Variants in NRG3 observed in about 807,000 individuals in gnomAD.
NRG3 encodes neuregulin 3.
Under a neutral mutation model 66.9 loss-of-function variants are expected in NRG3, and 31 were observed. That is an observed-to-expected ratio of 0.46 (90% confidence interval 0.35 to 0.63). The LOEUF (loss-of-function observed/expected upper bound fraction) is 0.63, where lower values mean the gene tolerates loss of function less well. Among genes scored for constraint, NRG3 ranks in the 20% least tolerant of loss-of-function variants. The pLI, the probability that NRG3 is intolerant of heterozygous loss-of-function variation, is 0.00. For synonymous variants in NRG3, 393 were observed against 359.4 expected (o/e 1.09, Z -1.06); for missense variants, 910 against 878.9 (o/e 1.04, Z -0.45).
chr10:82,012,665 T>A (rs899502181), intron 1 of NRG3, among the ~76,000 whole-genome samples: 1 of 152,202 alleles, frequency 6.6e-6, no homozygotes, highest in Non-Finnish European at 1.5e-5. Context: ...ACCTCTTGAA[T>A]GCTTTCCTGC....
intron 1 of NRG3, among the ~76,000 whole-genome samples, chr10:82,246,400 A>G (rs1430164247): frequency 1.3e-5 from 2 of 152,186 alleles, no homozygotes; most frequent in East Asian, 3.9e-4. Flanking sequence ...AATTTTCTCC[A>G]GGAAGCACTC....
At chr10:82,390,788 T>A (rs1261859776) in intron 2 of NRG3, among the ~76,000 whole-genome samples, 1 of 152,142 alleles carries the variant, frequency 6.6e-6, no homozygotes, top group Non-Finnish European at 1.5e-5. Flanking sequence ...AGGTTGTAAT[T>A]AGACAAAACA....
At chr10:82,106,093 T>C (rs1418796287) in intron 1 of NRG3, among the ~76,000 whole-genome samples, 1 of 152,208 alleles carries the variant, frequency 6.6e-6, no homozygotes. Flanking sequence ...GTTTTAGACC[T>C]GCTGAGTCCA....
chr10:82,911,837 T>C (rs1477018208), intron 4 of NRG3, among the ~76,000 whole-genome samples: 1 of 151,908 alleles, frequency 6.6e-6, no homozygotes, highest in Non-Finnish European at 1.5e-5. Flanking sequence ...TAGATTAATA[T>C]TTAGATCTTT....
chr10:82,765,251 A>C (rs150229716), intron 3 of NRG3, among the ~76,000 whole-genome samples: 1 of 152,176 alleles, frequency 6.6e-6, no homozygotes, highest in Non-Finnish European at 1.5e-5. Context: ...TGGAAATGAA[A>C]GTATAAAATT....
chr10:82,250,445 G>A (rs2077430506), intron 1 of NRG3, among the ~76,000 whole-genome samples: 1 of 151,958 alleles, frequency 6.6e-6, no homozygotes, highest in African/African-American at 2.4e-5. Context: ...AATTATCTGG[G>A]CATGGTGGCA....
intron 1 of NRG3, among the ~76,000 whole-genome samples, chr10:82,099,155 A>G (rs2066562512): frequency 6.6e-6 from 1 of 151,896 alleles, no homozygotes; most frequent in Admixed American, 6.6e-5. Context: ...GTTCTGTATA[A>G]AAAAAACTTT....
chr10:82,892,426 G>C (rs1591847673), intron 4 of NRG3, among the ~76,000 whole-genome samples: 1 of 152,238 alleles, frequency 6.6e-6, no homozygotes, highest in South Asian at 2.1e-4. Context: ...CACTTTGGGA[G>C]ACCAAGGTGG....
intron 1 of NRG3, among the ~76,000 whole-genome samples, chr10:82,300,149 A>G (rs891277314): frequency 6.6e-6 from 1 of 152,178 alleles, no homozygotes; most frequent in African/African-American, 2.4e-5. Flanking sequence ...ATGAGTTAGT[A>G]TTTGTCTTAT....
At chr10:82,049,999 A>G (rs979139782) in intron 1 of NRG3, among the ~76,000 whole-genome samples, 3 of 151,934 alleles carry the variant, frequency 2.0e-5, no homozygotes, top group Non-Finnish European at 2.9e-5. Flanking sequence ...ACCATCCCCT[A>G]TTATCCACCC....
intron 1 of NRG3, among the ~76,000 whole-genome samples, chr10:82,211,709 T>C (rs1391858481): frequency 6.6e-6 from 1 of 152,152 alleles, no homozygotes; most frequent in Non-Finnish European, 1.5e-5. Flanking sequence ...GTTAACAAAA[T>C]CTAGAGAGCC....
intron 1 of NRG3, among the ~76,000 whole-genome samples, chr10:82,061,842 T>TTCTCTC (rs72439199): frequency 0.011 from 1,652 of 146,790 alleles, 14 homozygotes; most frequent in African/African-American, 0.032. Flanking sequence ...CAGTGTCCCT[T>TTCTCTC]TCTCTCTCTC....
intron 6 of NRG3, among the ~76,000 whole-genome samples, 195 bp from the exon 7 acceptor site, chr10:82,973,593 G>A (rs1322659994): frequency 6.6e-6 from 1 of 152,172 alleles, no homozygotes; most frequent in African/African-American, 2.4e-5. Context: ...ACTAGGCACA[G>A]AGATGGTTGG....
At chr10:82,906,741 CAT>C (rs1035046086) in intron 4 of NRG3, among the ~76,000 whole-genome samples, 28 of 148,942 alleles carry the variant, frequency 1.9e-4, no homozygotes, top group African/African-American at 7.0e-4. Context: ...ATCACACCAA[CAT>C]TTTTTTTTCA....
chr10:82,528,572 A>G lies in NRG3; in HGVS notation c.953+169704A>G, dbSNP rs190214430. 1.6e-3 allele frequency among the ~76,000 whole-genome samples: 244 copies of G among 152,258 alleles called. 1 individual carries two copies. The highest frequency in any genetic ancestry group is 5.3e-3 in the African/African-American group (222 of 41,550). ...TAAAAGACTCCTGGACTTATCAGGG[A>G]CAGTGTCTTGTAAAAAGCCAGTGTC... On this transcript the variant is annotated intron_variant, in intron 2 of 8. Coordinates refer to ENST00000372141, the MANE Select transcript of NRG3 (RefSeq NM_001010848.4).
At chr10:82,695,307 T>C (rs2055283894) in intron 2 of NRG3, among the ~76,000 whole-genome samples, 1 of 152,130 alleles carries the variant, frequency 6.6e-6, no homozygotes, top group Admixed American at 6.6e-5. Context: ...GATACTGTAA[T>C]TTATTAAAAT....
chr10:82,859,503 G>C (rs576517470), intron 3 of NRG3, among the ~76,000 whole-genome samples: 2 of 152,262 alleles, frequency 1.3e-5, no homozygotes, highest in East Asian at 3.9e-4. Flanking sequence ...TCAAGGCAAC[G>C]ATGTTTTCGC....
intron 3 of NRG3, among the ~76,000 whole-genome samples, chr10:82,739,054 T>C (rs2058293270): frequency 6.6e-6 from 1 of 152,240 alleles, no homozygotes; most frequent in Admixed American, 6.5e-5. Context: ...TTTATGATAG[T>C]ATTAAACCAT....
chr10:82,396,397 T>G (rs1373060472), intron 2 of NRG3, among the ~76,000 whole-genome samples: 2 of 152,204 alleles, frequency 1.3e-5, no homozygotes, highest in African/African-American at 4.8e-5. Flanking sequence ...TTAATTCAAA[T>G]TCCACTTCCA....
Sources: gnomAD v4.1 joint callset for allele counts (sites outside exome capture counted in the v4.1 genomes callset) on GRCh38, gnomAD v4.1.1 for gene constraint, MANE v1.5 for transcripts, NCBI Gene and HGNC (gene_info 2026-07-23, HGNC 2026-07-21) for gene names.